The following MAP2K5 variants were observed in gnomAD, a reference collection of about 807,000 sequenced individuals.
MAP2K5 encodes the protein mitogen-activated protein kinase kinase 5, also known as dual specificity mitogen-activated protein kinase kinase 5.
Under a neutral mutation model 83.1 loss-of-function variants are expected in MAP2K5, and 49 were observed. The observed-to-expected ratio is 0.59, with a 90% confidence interval of 0.47 to 0.75. The LOEUF (loss-of-function observed/expected upper bound fraction) is 0.75. Among genes scored for constraint, MAP2K5 ranks in the 30% least tolerant of loss-of-function variants. The pLI is 0.00. For synonymous variants in MAP2K5, 202 were observed against 191.8 expected (o/e 1.05, Z -0.44); for missense variants, 457 against 557.5 (o/e 0.82, Z 1.82).
chr15:67,711,744 T>G (rs2088697545), intron 16 of MAP2K5, among the ~76,000 whole-genome samples: 1 of 152,018 alleles, frequency 6.6e-6, no homozygotes, highest in Non-Finnish European at 1.5e-5. Flanking sequence ...GCACTCAAGT[T>G]TTGAATATGA....
At chr15:67,589,783 ATGTGTG>A (rs10584480) in intron 6 of MAP2K5, among the ~76,000 whole-genome samples, 4,604 of 149,726 alleles carry the variant, frequency 0.031, 112 homozygotes, top group Admixed American at 0.072. Flanking sequence ...GTGTGTGTGT[ATGTGTG>A]TGTGTGTGTG....
chr15:67,586,078 A>G lies in MAP2K5; in HGVS notation c.363+148A>G. On this transcript the variant is annotated intron_variant, in intron 5 of 21. Coordinates refer to ENST00000178640, the MANE Select transcript of MAP2K5 (RefSeq NM_145160.3). Reference sequence around the variant, plus strand: ...TTAAATGGGAGGTGGAGGGGGATTCATCTGTAGTATTTGCTCAGTATGTGT... The same window carrying G: ...TTAAATGGGAGGTGGAGGGGGATTCGTCTGTAGTATTTGCTCAGTATGTGT... 8.4e-6 allele frequency: 6 copies of G among 711,992 alleles called. No homozygotes were observed. In the South Asian group the frequency reaches 9.5e-5, roughly 11 times the overall value. The allele number at this position is 711,992 out of a possible 1,614,324, so 44.1% of individuals were successfully genotyped here.
At chr15:67,646,357 T>G (rs1313493838) in intron 10 of MAP2K5, 31 bp from the exon 11 acceptor site, 1 of 1,459,840 alleles carries the variant, frequency 6.9e-7, no homozygotes, top group Admixed American at 1.7e-5. Flanking sequence ...CTTGCAGGTT[T>G]ATAACTACTT....
In MAP2K5 at chr15:67,762,165, T is replaced by C. The variant is rs972152346; in HGVS notation, c.1135-7437T>C. ...AGTGTTTTATGAAAAGCAGTAGAAA[T>C]GCATTGGGAGGCTGCAGAGAAAGAG... On this transcript the variant is annotated intron_variant, in intron 19 of 21. Transcript: ENST00000178640. Among the ~76,000 whole-genome samples, 4 of 152,208 alleles carry C rather than the reference T, an allele frequency of 2.6e-5. No homozygotes were observed. The South Asian group carries it at 8.3e-4, about 32-fold the overall frequency.
chr15:67,726,608 G>A (rs1485534234), intron 16 of MAP2K5, among the ~76,000 whole-genome samples: 3 of 152,182 alleles, frequency 2.0e-5, no homozygotes, highest in Admixed American at 1.3e-4. Flanking sequence ...GATCTAGAAA[G>A]GCAGTTTCAT....
At chr15:67,744,361 T>A (rs968564354) in intron 17 of MAP2K5, among the ~76,000 whole-genome samples, 2 of 152,234 alleles carry the variant, frequency 1.3e-5, no homozygotes, top group African/African-American at 4.8e-5. Context: ...TCCAACCATA[T>A]GATTTAATTT....
chr15:67,553,465 C>A lies in MAP2K5; in HGVS notation c.184+3383C>A, dbSNP rs144783985. Among the ~76,000 whole-genome samples the A allele has an allele frequency of 8.1e-3, 1,232 of 152,304 alleles. 37 individuals are homozygous for A. The highest frequency in any genetic ancestry group is 0.06 in the Admixed American group (910 of 15,292). Reference sequence around the variant, plus strand: ...AATAAATACAAAACATACCCACAGACAAAATAATGACAGTTCTTAGTTGTT... The same window carrying A: ...AATAAATACAAAACATACCCACAGAAAAAATAATGACAGTTCTTAGTTGTT... On this transcript the variant is annotated intron_variant, in intron 2 of 21. Coordinates refer to ENST00000178640, the MANE Select transcript of MAP2K5 (RefSeq NM_145160.3).
At chr15:67,632,852 C>T (rs2086505905) in intron 9 of MAP2K5, among the ~76,000 whole-genome samples, 1 of 152,230 alleles carries the variant, frequency 6.6e-6, no homozygotes, top group South Asian at 2.1e-4. Flanking sequence ...CAGAGTTCTT[C>T]TTCCATATCA....
At chr15:67,616,182 C>CAA (rs1434922055) in intron 8 of MAP2K5, among the ~76,000 whole-genome samples, 1 of 3,250 alleles carries the variant, frequency 3.1e-4, no homozygotes, top group African/African-American at 3.5e-4. Flanking sequence ...AATAAAATGT[C>CAA]ACACAGAGCA....
intron 8 of MAP2K5, among the ~76,000 whole-genome samples, chr15:67,604,625 G>A (rs562002313): frequency 6.6e-6 from 1 of 152,098 alleles, no homozygotes; most frequent in Non-Finnish European, 1.5e-5. Context: ...GGCGGGGTGC[G>A]GTGGCTCACG....
In MAP2K5 at chr15:67,790,477, C is replaced by T. The variant is rs76191425; in HGVS notation, c.1243-16169C>T. Among the ~76,000 whole-genome samples the T allele has an allele frequency of 0.082, 12,443 of 152,178 alleles. 675 individuals are homozygous for T. The highest frequency in any genetic ancestry group is 0.1 in the Admixed American group (1,565 of 15,294). ...TTGAAATGCTGTCTGAGGGCACTGC[C>T]GTCTTGTCTGTAGGCTGTGCACAAG... is the stretch of plus-strand genomic sequence containing the variant. On this transcript the variant is annotated intron_variant, in intron 21 of 21. Transcript: ENST00000178640. The surrounding 1 kb of genome is among the most constrained non-coding windows in gnomAD (Gnocchi z 4.6).
In MAP2K5 at chr15:67,640,616, G is replaced by A. The variant is rs1172394409; in HGVS notation, c.586-5615G>A. The A allele has an allele frequency of 1.0e-6, 1 of 984,672 alleles. No homozygotes were observed. Among genetic ancestry groups the A allele is most frequent in the Non-Finnish European group, 1.2e-6 (1 of 829,368 alleles). The allele number at this position is 984,672 out of a possible 1,614,324, so 61.0% of individuals were successfully genotyped here. The stretch of plus-strand genomic sequence containing the variant: ...TGATGAGGGAAATTTAATTTTCCAA[G>A]CAAAGTGGTCAGTTGGACCCACACT... On this transcript the variant is annotated intron_variant, in intron 9 of 21. Coordinates refer to ENST00000178640, the MANE Select transcript of MAP2K5 (RefSeq NM_145160.3). The surrounding 1 kb of genome is among the most constrained non-coding windows in gnomAD (Gnocchi z 4.6).
chr15:67,634,404 A>AAAAAAAAAAAAAAAAAC (rs2086551632), intron 9 of MAP2K5, among the ~76,000 whole-genome samples: 1 of 138,630 alleles, frequency 7.2e-6, no homozygotes, highest in Admixed American at 7.3e-5. Context: ...AAAAAAAAAA[A>AAAAAAAAAAAAAAAAAC]AAAAAGAATG....
intron 15 of MAP2K5, among the ~76,000 whole-genome samples, chr15:67,694,653 T>C: frequency 6.6e-6 from 1 of 152,122 alleles, no homozygotes; most frequent in Non-Finnish European, 1.5e-5. Flanking sequence ...ACTTTTACAC[T>C]GTTGGTGGGA....
chr15:67,738,662 G>A lies in MAP2K5; in HGVS notation c.1075-9569G>A, dbSNP rs957222555. Among the ~76,000 whole-genome samples the A allele has an allele frequency of 2.0e-5, 3 of 152,198 alleles. No homozygotes were observed. Among genetic ancestry groups the A allele is most frequent in the Non-Finnish European group, 2.9e-5 (2 of 68,028 alleles). On this transcript the variant is annotated intron_variant, in intron 17 of 21. Transcript: ENST00000178640. This position sits in a 1 kb window ranked among gnomAD's most constrained non-coding sequence, Gnocchi z 4.1. Reference sequence around the variant, plus strand: ...ATTTACAGAATTGTGGGTAGACAGTGTATAGAGGAGATGGGGATCCACCCA... The same window carrying A: ...ATTTACAGAATTGTGGGTAGACAGTATATAGAGGAGATGGGGATCCACCCA...
chr15:67,721,680 GC>G (rs2088962846), intron 16 of MAP2K5, among the ~76,000 whole-genome samples: 1 of 152,116 alleles, frequency 6.6e-6, no homozygotes, highest in Non-Finnish European at 1.5e-5. Context: ...CCTCCATTGG[GC>G]CATAATTCTG....
intron 17 of MAP2K5, among the ~76,000 whole-genome samples, chr15:67,741,617 T>C (rs957829856): frequency 3.3e-5 from 5 of 151,870 alleles, no homozygotes; most frequent in Non-Finnish European, 7.4e-5. Flanking sequence ...GAGCTGGGGG[T>C]GAAGTCATCT....
At chr15:67,642,562 A>G (rs891868607) in intron 9 of MAP2K5, 11 of 918,830 alleles carry the variant, frequency 1.2e-5, no homozygotes, top group Middle Eastern at 4.2e-4. Context: ...GGTTTTTTCA[A>G]TCAGTGCCTG....
At chr15:67,763,444 T>C (rs908272015) in intron 19 of MAP2K5, among the ~76,000 whole-genome samples, 1 of 152,156 alleles carries the variant, frequency 6.6e-6, no homozygotes. Flanking sequence ...TCTGATAACA[T>C]GTGACTGCTT....
Sources: gnomAD v4.1 joint callset for allele counts (sites outside exome capture counted in the v4.1 genomes callset) on GRCh38, gnomAD v4.1.1 for gene constraint, Gnocchi (gnomAD v3.1) non-coding constraint, MANE v1.5 for transcripts, NCBI Gene and HGNC (gene_info 2026-07-23, HGNC 2026-07-21) for gene names.